Variants in CNTN1 observed in about 807,000 individuals in gnomAD.
CNTN1 encodes contactin-1.
CNTN1 carries 38 observed loss-of-function variants against 126.4 expected under a neutral mutation model. The ratio of observed to expected loss-of-function variants is 0.30; its 90% CI spans 0.23 to 0.39. The LOEUF (loss-of-function observed/expected upper bound fraction) is 0.39. Among genes scored for constraint, CNTN1 ranks in the 10% least tolerant of loss-of-function variants. The pLI is 1.00. For missense variants in CNTN1, 1,009 were observed against 1,248.4 expected, an observed-to-expected ratio of 0.81 and a Z score of 2.89; for synonymous variants, 413 against 422.6, an observed-to-expected ratio of 0.98 and a Z score of 0.28.
At chr12:40,889,103 G>A (rs1341531759) in intron 1 of CNTN1, among the ~76,000 whole-genome samples, 1 of 152,182 alleles carries the variant, frequency 6.6e-6, no homozygotes, top group African/African-American at 2.4e-5. Context: ...TCTCTGTAAG[G>A]GTTAAACCTG....
intron 15 of CNTN1, chr12:40,972,627 A>T (rs937628211): frequency 1.1e-6 from 1 of 913,858 alleles, no homozygotes; most frequent in Non-Finnish European, 1.3e-6. Flanking sequence ...CTGGCTCAAG[A>T]TGTTACTTAT....
chr12:40,950,097 G>GGGGT (rs1193146995), intron 14 of CNTN1, among the ~76,000 whole-genome samples: 10 of 145,234 alleles, frequency 6.9e-5, no homozygotes, highest in South Asian at 2.3e-4. Flanking sequence ...GTGTTGAGAG[G>GGGGT]GTGTGTGTGT....
At chr12:40,700,539 A>AT (rs1320345172) in intron 1 of CNTN1, among the ~76,000 whole-genome samples, 2 of 152,160 alleles carry the variant, frequency 1.3e-5, no homozygotes, top group African/African-American at 4.8e-5. Flanking sequence ...ATAAAAAAAA[A>AT]AATAAAAAAT....
chr12:40,753,076 C>T (rs1014591083), intron 1 of CNTN1, among the ~76,000 whole-genome samples: 2 of 151,812 alleles, frequency 1.3e-5, no homozygotes, highest in Non-Finnish European at 2.9e-5. Context: ...GTGGGGTTGA[C>T]CACAATCCTG....
chr12:40,803,558 T>C (rs987575339), intron 1 of CNTN1, among the ~76,000 whole-genome samples: 12 of 152,026 alleles, frequency 7.9e-5, no homozygotes, highest in Non-Finnish European at 2.9e-5. Flanking sequence ...CAACTTTATT[T>C]TGATGCAAAA....
At chr12:40,866,968 A>G (rs779203001) in intron 1 of CNTN1, among the ~76,000 whole-genome samples, 4 of 152,062 alleles carry the variant, frequency 2.6e-5, no homozygotes, top group Non-Finnish European at 5.9e-5. Context: ...AGTTACATAC[A>G]TCACTTTTGC....
intron 15 of CNTN1, among the ~76,000 whole-genome samples, chr12:40,963,925 G>A (rs1002697484): frequency 6.6e-6 from 1 of 151,996 alleles, no homozygotes; most frequent in Non-Finnish European, 1.5e-5. Flanking sequence ...GATTTATTTT[G>A]GAAACCTATG....
At position 40,828,802 on chromosome 12, in the gene CNTN1, AAACAATTTGGACT is replaced by A. The variant is rs1207858429; in HGVS notation, c.-76-79553_-76-79541del. ...CATACAAATTGAGCAGATGGAATTA[AAACAATTTGGACT>A]AGCATGTCCTTGAGGGAAGACCTTG... On this transcript the variant is annotated intron_variant, in intron 1 of 23. Coordinates refer to ENST00000551295, the MANE Select transcript of CNTN1 (RefSeq NM_001843.4). Among the ~76,000 whole-genome samples, 3 of 152,304 alleles carry A rather than the reference AAACAATTTGGACT, an allele frequency of 2.0e-5. No homozygotes were observed. The South Asian group carries it at 6.2e-4, about 32-fold the overall frequency.
chr12:40,714,125 A>C (rs752584922), intron 1 of CNTN1, among the ~76,000 whole-genome samples: 2 of 152,102 alleles, frequency 1.3e-5, no homozygotes, highest in Non-Finnish European at 2.9e-5. Context: ...AGAACTTACA[A>C]TTGGAATTTG....
intron 1 of CNTN1, among the ~76,000 whole-genome samples, chr12:40,741,791 A>G (rs570574597): frequency 2.6e-5 from 4 of 152,076 alleles, no homozygotes; most frequent in Non-Finnish European, 5.9e-5. Context: ...TTTGTGATGG[A>G]TATTTACAAA....
intron 1 of CNTN1, among the ~76,000 whole-genome samples, chr12:40,789,896 GA>G (rs1234217506): frequency 6.6e-6 from 1 of 151,758 alleles, no homozygotes; most frequent in Non-Finnish European, 1.5e-5. Context: ...TATTTCCTTG[GA>G]AAATATGATG....
intron 14 of CNTN1, among the ~76,000 whole-genome samples, chr12:40,948,969 A>AT (rs1353095237): frequency 1.3e-5 from 2 of 152,156 alleles, no homozygotes; most frequent in East Asian, 1.9e-4. Context: ...GTGGGTGTGC[A>AT]TTTTTTCTGA....
chr12:40,828,425 A>G (rs1170363173), intron 1 of CNTN1: 2 of 152,050 alleles, frequency 1.3e-5, no homozygotes, highest in Admixed American at 6.6e-5. Context: ...CAGCATCAGG[A>G]CTCTCAATTG....
chr12:40,971,407 C>G, intron 15 of CNTN1: 1 of 1,584,456 alleles, frequency 6.3e-7, no homozygotes, highest in Non-Finnish European at 8.5e-7. Context: ...CACACTCTCC[C>G]TTCAGCCTTG....
intron 23 of CNTN1, among the ~76,000 whole-genome samples, chr12:41,058,195 T>A (rs1040139549): frequency 1.3e-5 from 2 of 152,132 alleles, no homozygotes; most frequent in African/African-American, 2.4e-5. Context: ...CTCCCAAGCT[T>A]CTTTTTAGGT....
chr12:41,028,914 A>T, intron 22 of CNTN1, 149 bp from the exon 23 acceptor site: 2 of 774,664 alleles, frequency 2.6e-6, no homozygotes, highest in Admixed American at 2.5e-5. Context: ...GATTTTTTTC[A>T]TCTAGTTTTA....
intron 23 of CNTN1, among the ~76,000 whole-genome samples, chr12:41,063,327 G>T (rs1158711193): frequency 1.3e-5 from 2 of 152,174 alleles, no homozygotes; most frequent in Non-Finnish European, 2.9e-5. Context: ...CCTGAAACAC[G>T]TTTTTCCAAT....
At chr12:41,033,304 A>G (rs976009206) in intron 23 of CNTN1, among the ~76,000 whole-genome samples, 15 of 152,202 alleles carry the variant, frequency 9.9e-5, no homozygotes, top group Non-Finnish European at 1.6e-4. Context: ...ACCGTTTTTA[A>G]TAATTATGAG....
At chr12:40,747,617 A>G (rs376124161) in intron 1 of CNTN1, among the ~76,000 whole-genome samples, 6 of 152,134 alleles carry the variant, frequency 3.9e-5, no homozygotes, top group Admixed American at 3.3e-4. Context: ...TTAAAATATC[A>G]GTTTGGCTGC....
Sources: gnomAD v4.1 joint callset for allele counts (sites outside exome capture counted in the v4.1 genomes callset) on GRCh38, gnomAD v4.1.1 for gene constraint, MANE v1.5 for transcripts, NCBI Gene and HGNC (gene_info 2026-07-23, HGNC 2026-07-21) for gene names.